The following CAPN1 variants were observed in gnomAD, a reference collection of about 807,000 sequenced individuals.
The protein encoded by CAPN1 is calpain-1 catalytic subunit.
Under a neutral mutation model 105.2 loss-of-function variants are expected in CAPN1, and 77 were observed. The ratio of observed to expected loss-of-function variants is 0.73; its 90% CI spans 0.61 to 0.88. CAPN1 has a LOEUF of 0.88. CAPN1 is among the 40% of genes least tolerant of loss of function. CAPN1 has a pLI of 0.00. For synonymous variants in CAPN1, 355 were observed against 388.8 expected, an observed-to-expected ratio of 0.91 and a Z score of 1.02; for missense variants, 833 against 976.6, an observed-to-expected ratio of 0.85 and a Z score of 1.96.
At chr11:65,181,411 G>A (rs906102899), upstream of CAPN1, 21 of 244,502 alleles carry the variant, frequency 8.6e-5, no homozygotes, top group Middle Eastern at 1.4e-3. This position sits in a 1 kb window ranked among gnomAD's most constrained non-coding sequence, Gnocchi z 4.6. Flanking sequence ...GCAGCCCGAG[G>A]TAATCTCGGC....
chr11:65,182,240 C>T, intron 1 of CAPN1: 1 of 80,852 alleles, frequency 1.2e-5, no homozygotes, highest in Non-Finnish European at 2.7e-5. Context: ...CTGCGGGGGC[C>T]TGAGGAGGGG....
intron 6 of CAPN1, 72 bp downstream of exon 6, chr11:65,186,410 TC>T: frequency 2.9e-6 from 4 of 1,390,572 alleles, no homozygotes; most frequent in Non-Finnish European, 3.9e-6. Context: ...TTTTCTAAAA[TC>T]CCCACCCAGG....
chr11:65,202,779 T>C (rs1322378783), intron 10 of CAPN1, among the ~76,000 whole-genome samples: 1 of 152,140 alleles, frequency 6.6e-6, no homozygotes, highest in Non-Finnish European at 1.5e-5. Flanking sequence ...AAATATACAA[T>C]TTAAATATAC....
At chr11:65,187,711 ACT>A (rs1252281212) in intron 7 of CAPN1, 12 of 462,852 alleles carry the variant, frequency 2.6e-5, no homozygotes, top group African/African-American at 1.0e-4. Context: ...ACATGGTGAA[ACT>A]CTGTCTCTAC....
intron 11 of CAPN1, among the ~76,000 whole-genome samples, chr11:65,205,448 A>AT (rs2137384569): frequency 6.6e-6 from 1 of 151,954 alleles, no homozygotes; most frequent in Admixed American, 6.5e-5. Context: ...GCAGTTGGCC[A>AT]CCCCGGGGGC....
In CAPN1 at chr11:65,188,413, G is replaced by C; in HGVS notation, c.930-1G>C. 1.2e-6 allele frequency: 2 copies of C among 1,609,484 alleles called. No homozygotes were observed. The highest frequency in any genetic ancestry group is 1.7e-6 in the Non-Finnish European group (2 of 1,177,948). On this transcript the variant is annotated splice_acceptor_variant, in intron 8 of 21. Transcript: ENST00000279247. LOFTEE classifies it high-confidence loss of function. This position sits in a 1 kb window ranked among gnomAD's most constrained non-coding sequence, Gnocchi z 5.5. ...CCCTGGCAGAGCCCTGCTCCTCACA[G>C]CTCCTCAGAGTGGAACAACGTGGAC...
Position 65,183,182 on chromosome 11 carries a change from TGCC to T in CAPN1, c.323_325del (p.Cys108_Gln109delinsTer). 2 of 1,613,914 alleles carry T rather than the reference TGCC, an allele frequency of 1.2e-6. No homozygotes were observed. ...GGATGGAGCTACCCGCACAGACATC[TGCC>T]AGGGAGCACTGGGTAGGCCCCCAGG... On this transcript the variant is annotated stop_gained and inframe_deletion, in exon 3 of 22. Coordinates refer to ENST00000279247, the MANE Select transcript of CAPN1 (RefSeq NM_005186.4). LOFTEE classifies it high-confidence loss of function.
chr11:65,182,262 T>C, intron 1 of CAPN1: 1 of 84,044 alleles, frequency 1.2e-5, no homozygotes, highest in Non-Finnish European at 2.6e-5. Flanking sequence ...ACCCCGACCG[T>C]CTGGGGTTTT....
chr11:65,200,932 CTTTTTTTTTTT>C (rs56897147), intron 10 of CAPN1, among the ~76,000 whole-genome samples: 12 of 49,454 alleles, frequency 2.4e-4, no homozygotes, highest in South Asian at 8.1e-4. Context: ...CCATGCCTGG[CTTTTTTTTTTT>C]TTTTTTTTTT....
In CAPN1 at chr11:65,199,278, C is replaced by T. The variant is rs920524023; in HGVS notation, c.1166-5405C>T. 1.7e-4 allele frequency among the ~76,000 whole-genome samples: 26 copies of T among 152,284 alleles called. No individual in the cohort carries two copies. In the East Asian group the frequency reaches 3.9e-3, roughly 23 times the overall value. On this transcript the variant is annotated intron_variant, in intron 10 of 21. Coordinates refer to ENST00000279247, the MANE Select transcript of CAPN1 (RefSeq NM_005186.4). ...TCTGGCTTGACATTATTTTCAGCCT[C>T]TCAAAGACACTATTAGTCCTGTTCT...
Position 65,210,281 on chromosome 11 carries a change from A to AT in CAPN1, c.1943-54dup. ...CTCCTGGGGACCCAACCCCTCCCCC[A>AT]TCCTGTTGGGCAGGGGCTGCGCCTC... On this transcript the variant is annotated intron_variant, in intron 19 of 21. Transcript: ENST00000279247. This position sits in a 1 kb window ranked among gnomAD's most constrained non-coding sequence, Gnocchi z 4.3. 2.2e-6 allele frequency: 3 copies of AT among 1,345,590 alleles called. No individual in the cohort carries two copies. The highest frequency in any genetic ancestry group is 3.2e-6 in the Non-Finnish European group (3 of 947,924). The allele number at this position is 1,345,590 out of a possible 1,614,324, so 83.4% of individuals were successfully genotyped here.
Position 65,209,917 on chromosome 11 carries a change from G to A in CAPN1, c.1863G>A (p.Leu621=), listed in dbSNP as rs920078121. 3 of 1,613,472 alleles carry A rather than the reference G, an allele frequency of 1.9e-6. No individual in the cohort carries two copies. The African/African-American group carries it at 4.0e-5, about 22-fold the overall frequency. The part of the protein sequence containing the change: ...NILWNRIRNY[L]SIFRKFDLDK... ...TGTGGAACCGCATCCGGAATTACCT[G>A]GTAGGTTGTCCCCACTCACCTCAGT... Residue 621 remains leucine, a splice_region_variant and synonymous_variant, in exon 18 of 22, where the codon CTG becomes CTA. Coordinates refer to ENST00000279247, the MANE Select transcript of CAPN1 (RefSeq NM_005186.4). This position sits in a 1 kb window ranked among gnomAD's most constrained non-coding sequence, Gnocchi z 4.1.
intron 12 of CAPN1, chr11:65,206,166 C>G: frequency 1.8e-6 from 1 of 553,928 alleles, no homozygotes; most frequent in Non-Finnish European, 3.2e-6. Context: ...CCCTGCAGTA[C>G]CTGACCTGGG....
chr11:65,193,644 CAAAAA>C (rs34729975), intron 10 of CAPN1, among the ~76,000 whole-genome samples: 2 of 58,770 alleles, frequency 3.4e-5, no homozygotes, highest in African/African-American at 1.4e-4. Flanking sequence ...GACTCTGTCT[CAAAAA>C]AAAAAAAAAA....
At position 65,210,384 on chromosome 11, in the gene CAPN1, C is replaced by T. The variant is rs375107477; in HGVS notation, c.1991C>T (p.Ser664Leu). 2.5e-5 allele frequency: 40 copies of T among 1,613,334 alleles called. No individual in the cohort carries two copies. Among genetic ancestry groups the T allele is most frequent in the Non-Finnish European group, 3.2e-5 (38 of 1,179,770 alleles). ...KLYELIITRY[S>L]EPDLAVDFDN... is the part of the protein sequence containing the mutation. ...TACGAGCTCATCATCACCCGCTACTCGGAGCCCGACCTGGCGGTCGACTTT... is the reference window on the plus strand; with the variant it reads ...TACGAGCTCATCATCACCCGCTACTTGGAGCCCGACCTGGCGGTCGACTTT... The change falls in exon 20 of 22, where the codon TCG (serine) becomes TTG (leucine). Residue 664 changes from serine (S) to leucine (L), a missense_variant. Coordinates refer to ENST00000279247, the MANE Select transcript of CAPN1 (RefSeq NM_005186.4). This position sits in a 1 kb window ranked among gnomAD's most constrained non-coding sequence, Gnocchi z 4.3.
chr11:65,182,667 G>T, intron 1 of CAPN1, 34 bp from the exon 2 acceptor site: 1 of 1,486,004 alleles, frequency 6.7e-7, no homozygotes, highest in Non-Finnish European at 8.9e-7. Context: ...TCTTGGGAAG[G>T]CCTGGGTTCT....
At chr11:65,207,493 C>T (rs1048887153) in intron 14 of CAPN1, among the ~76,000 whole-genome samples, 1 of 151,538 alleles carries the variant, frequency 6.6e-6, no homozygotes, top group Non-Finnish European at 1.5e-5. Flanking sequence ...AGCCACCGCA[C>T]CTGGCCCAAA....
At position 65,188,858 on chromosome 11, in the gene CAPN1, T is replaced by A; in HGVS notation, c.1165+112T>A. The A allele has an allele frequency of 1.1e-6, 1 of 905,738 alleles. No homozygotes were observed. The highest frequency in any genetic ancestry group is 1.6e-6 in the Non-Finnish European group (1 of 607,794). 56.1% of individuals were successfully genotyped at this position (905,738 alleles called of 1,614,324 possible). On this transcript the variant is annotated intron_variant, in intron 10 of 21. Coordinates refer to ENST00000279247, the MANE Select transcript of CAPN1 (RefSeq NM_005186.4). This position sits in a 1 kb window ranked among gnomAD's most constrained non-coding sequence, Gnocchi z 5.5. ...ACTTGCAAGATATAGGCTGATCTCTTGAATTTGCTTTGAGGAGTAAAATAT... is the reference window on the plus strand; with the variant it reads ...ACTTGCAAGATATAGGCTGATCTCTAGAATTTGCTTTGAGGAGTAAAATAT...
At chr11:65,195,119 T>G (rs563392924) in intron 10 of CAPN1, among the ~76,000 whole-genome samples, 2,103 of 146,894 alleles carry the variant, frequency 0.014, 86 homozygotes, top group African/African-American at 0.049. Context: ...TTTTTTTTTT[T>G]TTTTTTTTGA....
Sources: allele counts gnomAD v4.1 joint callset (sites outside exome capture counted in the v4.1 genomes callset), GRCh38; gene constraint gnomAD v4.1.1; non-coding constraint Gnocchi (gnomAD v3.1); transcripts MANE v1.5; gene names NCBI Gene and HGNC (gene_info 2026-07-23, HGNC 2026-07-21).